CABIN1: variants seen among roughly 807,000 people sequenced by gnomAD.
CABIN1 encodes the protein calcineurin binding protein 1, also known as calcineurin-binding protein cabin-1.
Under a neutral mutation model 227.7 loss-of-function variants are expected in CABIN1, and 133 were observed. The ratio of observed to expected loss-of-function variants is 0.58; its 90% CI spans 0.51 to 0.67. The LOEUF (loss-of-function observed/expected upper bound fraction) is 0.67. CABIN1 is among the 30% of genes least tolerant of loss of function. The pLI is 0.00. For missense variants in CABIN1, 2,408 were observed against 2,852.5 expected (o/e 0.84, Z 3.55); for synonymous variants, 1,086 against 1,155.1 (o/e 0.94, Z 1.21).
In CABIN1 at chr22:24,059,373, G is replaced by A. The variant is rs764212712; in HGVS notation, c.1399+10G>A. The A allele has an allele frequency of 1.2e-5, 19 of 1,613,918 alleles. No homozygotes were observed. Among genetic ancestry groups the A allele is most frequent in the Admixed American group, 1.0e-4 (6 of 60,016 alleles). On this transcript the variant is annotated intron_variant, in intron 11 of 36. Coordinates refer to ENST00000263119, the MANE Select transcript of CABIN1 (RefSeq NM_012295.4). ...ACATTCATGGAATCTGGTAGGAATC[G>A]AGCAGTGTGACCATTCACTTTGGGA...
intron 1 of CABIN1, among the ~76,000 whole-genome samples, chr22:24,029,040 A>G (rs188775850): frequency 1.1e-4 from 16 of 152,174 alleles, no homozygotes; most frequent in African/African-American, 3.6e-4. Context: ...ATCTTAGGAA[A>G]AATTCTTGCA....
chr22:24,035,946 AT>A, intron 2 of CABIN1, 142 bp from the exon 3 acceptor site: 3 of 486,410 alleles, frequency 6.2e-6, no homozygotes, highest in South Asian at 5.5e-5. Context: ...TTTTTTGTTC[AT>A]TCCCCACATC....
At position 24,076,173 on chromosome 22, in the gene CABIN1, G is replaced by A; in HGVS notation, c.2637G>A (p.Met879Ile). 1 of 1,613,970 alleles carries A rather than the reference G, an allele frequency of 6.2e-7. No individual in the cohort carries two copies. Among genetic ancestry groups the A allele is most frequent in the Non-Finnish European group, 8.5e-7 (1 of 1,179,834 alleles). The stretch of plus-strand genomic sequence containing the variant: ...GTCGGCCTGGGCTTTCCCTAGGGAT[G>A]TCAGAGACGCCCATGCTCCCATCCT... The part of the protein sequence containing the change: ...QQLQNPAEEG[M>I]SETPMLPSSL... Residue 879 changes from methionine to isoleucine, a missense_variant, in exon 19 of 37, where the codon ATG becomes ATA. Physicochemically the swap from Met to Ile is conservative, Grantham distance 10 (BLOSUM62 1). Transcript: ENST00000263119.
In CABIN1 at chr22:24,166,705, C is replaced by T. The variant is rs1245851509; in HGVS notation, c.5074C>T (p.His1692Tyr). The T allele has an allele frequency of 6.2e-7, 1 of 1,612,766 alleles. No homozygotes were observed. The change falls in exon 32 of 37, where the codon CAC becomes TAC. Residue 1692 changes from histidine (H) to tyrosine (Y), a missense_variant. His to Tyr is a moderately conservative substitution (Grantham distance 83). Coordinates refer to ENST00000263119, the MANE Select transcript of CABIN1 (RefSeq NM_012295.4). ...AGCCAGGATGACCACCGATGTCTCA[C>T]ACAAGGCCAGTCCTGAGGATGGCCA... ...PGARMTTDVS[H>Y]KASPEDGQEG...
chr22:24,094,173 C>T (rs182277770), intron 24 of CABIN1, among the ~76,000 whole-genome samples: 5 of 152,332 alleles, frequency 3.3e-5, no homozygotes, highest in Middle Eastern at 3.4e-3. Context: ...CAGATGCCCA[C>T]TGAGCCCAGC....
chr22:24,059,957 AC>A lies in CABIN1; in HGVS notation c.1435del (p.Leu479Ter), dbSNP rs867988013. On this transcript the variant is annotated frameshift_variant, in exon 12 of 37. Transcript: ENST00000263119. LOFTEE classifies it high-confidence loss of function. ...KQDVHEFLLE[N>X]LTNGGILELM... ...GACGTGCATGAGTTCCTGCTGGAGA[AC>A]CTAACCAACGGGGGCATCCTGGAGC... 2.5e-6 allele frequency: 4 copies of A among 1,614,032 alleles called. No individual in the cohort carries two copies. The African/African-American group carries it at 4.0e-5, about 16-fold the overall frequency.
intron 24 of CABIN1, 173 bp downstream of exon 24, chr22:24,092,016 C>A: frequency 1.3e-6 from 1 of 750,092 alleles, no homozygotes; most frequent in Non-Finnish European, 2.1e-6. Context: ...CTCTCTTTTC[C>A]CAAGGGGTGT....
intron 1 of CABIN1, among the ~76,000 whole-genome samples, chr22:24,032,298 T>G (rs1407419637): frequency 6.6e-6 from 1 of 152,256 alleles, no homozygotes; most frequent in African/African-American, 2.4e-5. Flanking sequence ...GTTTATTTCA[T>G]GTTGTAGCAT....
intron 29 of CABIN1, among the ~76,000 whole-genome samples, chr22:24,150,537 G>A (rs894086773): frequency 2.0e-5 from 3 of 152,196 alleles, no homozygotes; most frequent in Non-Finnish European, 4.4e-5. Context: ...AAACCACCTC[G>A]GGGTGTGGAG....
intron 28 of CABIN1, among the ~76,000 whole-genome samples, chr22:24,126,694 A>G (rs948783134): frequency 1.3e-5 from 2 of 152,126 alleles, no homozygotes; most frequent in African/African-American, 4.8e-5. Context: ...CATCATCCTG[A>G]ATTAGGTTAA....
intron 26 of CABIN1, among the ~76,000 whole-genome samples, chr22:24,109,293 C>T (rs1241803996): frequency 1.3e-5 from 2 of 151,314 alleles, no homozygotes; most frequent in Non-Finnish European, 2.9e-5. Flanking sequence ...GGCACTATCA[C>T]TGCTCAGTGC....
At chr22:24,088,968 T>C (rs1237596456) in intron 23 of CABIN1, among the ~76,000 whole-genome samples, 1 of 152,170 alleles carries the variant, frequency 6.6e-6, no homozygotes, top group Non-Finnish European at 1.5e-5. Flanking sequence ...CGGGATTCTG[T>C]TTGTGTTGCA....
intron 29 of CABIN1, among the ~76,000 whole-genome samples, chr22:24,136,352 T>G (rs1602284577): frequency 7.2e-6 from 1 of 138,608 alleles, no homozygotes; most frequent in African/African-American, 2.8e-5. Flanking sequence ...CCCTCCTTTT[T>G]TTTTTTTTTT....
intron 17 of CABIN1, 42 bp downstream of exon 17, chr22:24,071,084 TATGTCTCTGTGAC>T: frequency 6.2e-7 from 1 of 1,613,296 alleles, no homozygotes; most frequent in Non-Finnish European, 8.5e-7. Context: ...CCCCAGCAGG[TATGTCTCTGTGAC>T]ATCCTGCTTC....
chr22:24,067,207 C>A (rs1351113527), intron 16 of CABIN1, 26 bp downstream of exon 16: 1 of 1,609,230 alleles, frequency 6.2e-7, no homozygotes, highest in South Asian at 1.1e-5. Context: ...GTCCCTCACA[C>A]CCACTTGCAC....
At chr22:24,032,183 T>G (rs1278507339) in intron 1 of CABIN1, among the ~76,000 whole-genome samples, 2 of 152,240 alleles carry the variant, frequency 1.3e-5, no homozygotes, top group Non-Finnish European at 2.9e-5. Flanking sequence ...ACCATTCTAC[T>G]TTCTGTCTGT....
At chr22:24,080,794 G>A (rs1436615257) in intron 19 of CABIN1, among the ~76,000 whole-genome samples, 1 of 152,136 alleles carries the variant, frequency 6.6e-6, no homozygotes, top group Non-Finnish European at 1.5e-5. Context: ...CTTATGCACA[G>A]CTCCTTTGCT....
chr22:24,016,998 T>G (rs1281685658), intron 1 of CABIN1, among the ~76,000 whole-genome samples: 1 of 151,806 alleles, frequency 6.6e-6, no homozygotes, highest in East Asian at 1.9e-4. Context: ...TTTAGCTTTT[T>G]AAAAAAAATT....
intron 20 of CABIN1, 133 bp downstream of exon 20, chr22:24,083,522 C>A: frequency 1.1e-6 from 1 of 940,096 alleles, no homozygotes; most frequent in Admixed American, 2.1e-5. Context: ...AGAAGACGGT[C>A]TGATGAGTGT....
Sources: gnomAD v4.1 joint callset for allele counts (sites outside exome capture counted in the v4.1 genomes callset) on GRCh38, gnomAD v4.1.1 for gene constraint, MANE v1.5 for transcripts, NCBI Gene and HGNC (gene_info 2026-07-23, HGNC 2026-07-21) for gene names.